Variants in FAM83H observed in about 807,000 individuals in gnomAD.
The protein encoded by FAM83H is protein FAM83H.
A neutral mutation model predicts 30.2 loss-of-function variants in FAM83H; 24 were observed. The ratio of observed to expected loss-of-function variants is 0.79; its 90% CI spans 0.57 to 1.12. The LOEUF is 1.12. FAM83H is among the 50% of genes most tolerant of loss of function. The probability of loss-of-function intolerance (pLI) is 0.00; values close to 1 mark genes in which losing one functional copy is unlikely to be tolerated. For synonymous variants in FAM83H, 1,013 were observed against 821.7 expected, an observed-to-expected ratio of 1.23 and a Z score of -3.98; for missense variants, 2,038 against 1,773.9, an observed-to-expected ratio of 1.15 and a Z score of -2.67.
At position 143,726,162 on chromosome 8, in the gene FAM83H, C is replaced by A. The variant is rs782393356; in HGVS notation, c.3299G>T (p.Gly1100Val). The A allele has an allele frequency of 6.2e-7, 1 of 1,612,022 alleles. No individual in the cohort carries two copies. The highest frequency in any genetic ancestry group is 1.1e-5 in the South Asian group (1 of 90,982). ...CSAIFRSDSL[G>V]TQGRLSRTLP... ...CGTGCGGCTCAGCCGGCCCTGGGTC[C>A]CCAAGCTGTCCGAGCGGAAGATGGC... The change falls in exon 5 of 5, where the codon GGG (glycine) becomes GTG (valine). Residue 1100 changes from glycine to valine, a missense_variant. Physicochemically the swap from Gly to Val is moderately radical, Grantham distance 109. Transcript: ENST00000388913.
Position 143,728,638 on chromosome 8 carries a change from G to T in FAM83H, c.823C>A (p.Arg275Ser). The T allele has an allele frequency of 6.2e-7, 1 of 1,608,220 alleles. No individual in the cohort carries two copies. The highest frequency in any genetic ancestry group is 8.5e-7 in the Non-Finnish European group (1 of 1,179,872). ...ELVSSFDEEFRILFAQSEPLV... is the reference protein window; with the variant it reads ...ELVSSFDEEFSILFAQSEPLV... ...GGCTCGGACTGCGCGAAGAGGATGC[G>T]GAACTCCTCGTCGAAGCTGGAGACC... Residue 275 changes from arginine to serine, a missense_variant, in exon 5 of 5, where the codon CGC becomes AGC. By Grantham distance (110) the Arg-to-Ser change is moderately radical. Transcript: ENST00000388913.
Position 143,727,425 on chromosome 8 carries a change from C to G in FAM83H, c.2036G>C (p.Ser679Thr). The G allele has an allele frequency of 6.4e-7, 1 of 1,571,932 alleles. No homozygotes were observed. Among genetic ancestry groups the G allele is most frequent in the African/African-American group, 1.3e-5 (1 of 74,606 alleles). Residue 679 changes from serine to threonine, a missense_variant, in exon 5 of 5, where the codon AGC becomes ACC. By Grantham distance (58) the Ser-to-Thr change is moderately conservative. Coordinates refer to ENST00000388913, the MANE Select transcript of FAM83H (RefSeq NM_198488.5). ...RSRLNPLVQR[S>T]SRLRSSLIFS... ...GATGAGCGAGGAGCGCAGCCTGGAG[C>G]TGCGCTGGACCAGGGGGTTCAGGCG...
rs186583661 is a variant in FAM83H, at chr8:143,725,874, G to A, written c.*47C>T. Reference sequence around the variant, plus strand: ...TGTTCCGCGGGGCTTCTGGATGACCGGGGCAGCGATGCGGGCACCCTGGCC... The same window carrying A: ...TGTTCCGCGGGGCTTCTGGATGACCAGGGCAGCGATGCGGGCACCCTGGCC... On this transcript the variant is annotated 3_prime_UTR_variant, in exon 5 of 5. Transcript: ENST00000388913. The A allele has an allele frequency of 1.8e-3, 2,880 of 1,601,634 alleles. 3 individuals carry two copies. The highest frequency in any genetic ancestry group is 4.6e-3 in the Admixed American group (271 of 58,362).
rs553219379 is a variant in FAM83H, at chr8:143,727,816, G to A, written c.1645C>T (p.Pro549Ser). The A allele has an allele frequency of 1.3e-4, 174 of 1,333,874 alleles. 2 individuals are homozygous for A. The South Asian group carries it at 3.0e-3, about 23-fold the overall frequency. 82.6% of individuals were successfully genotyped at this position (1,333,874 alleles called of 1,614,324 possible). A position where few individuals can be genotyped will look rare whatever the true frequency, so the allele number is the denominator to read the frequency against. The part of the protein sequence containing the change: ...APRPNLTQRF[P>S]CQAAARPGPD... ...CCCGGCCTCGCCGCGGCCTGGCATG[G>A]GAAGCGCTGGGTCAGGTTGGGGCGC... Residue 549 changes from proline (P) to serine (S), a missense_variant, in exon 5 of 5, where the codon CCA becomes TCA. Pro to Ser is a moderately conservative substitution (Grantham distance 74, BLOSUM62 -1). Coordinates refer to ENST00000388913, the MANE Select transcript of FAM83H (RefSeq NM_198488.5).
At position 143,726,583 on chromosome 8, in the gene FAM83H, C is replaced by T; in HGVS notation, c.2878G>A (p.Glu960Lys). 6.2e-7 allele frequency: 1 copy of T among 1,601,746 alleles called. No individual in the cohort carries two copies. ...PAEEGPSGPM[E>K]VLRKGSLRLR... ...CGCAAGGAGCCTTTGCGCAGGACTT[C>T]CATGGGGCCGCTCGGCCCCTCCTCC... The change falls in exon 5 of 5, where the codon GAA becomes AAA. Residue 960 changes from glutamate (E) to lysine (K), a missense_variant. Physicochemically the swap from Glu to Lys is moderately conservative, Grantham distance 56 (BLOSUM62 1). Transcript: ENST00000388913.
chr8:143,731,347 A>G, intron 1 of FAM83H: 1 of 985,196 alleles, frequency 1.0e-6, no homozygotes, highest in Non-Finnish European at 1.2e-6. Flanking sequence ...ACTGCACAAC[A>G]CAGCTGAGGG....
Position 143,727,423 on chromosome 8 carries a change from A to G in FAM83H, c.2038T>C (p.Ser680Pro). The G allele has an allele frequency of 1.3e-6, 2 of 1,571,566 alleles. No individual in the cohort carries two copies. The highest frequency in any genetic ancestry group is 1.7e-6 in the Non-Finnish European group (2 of 1,166,688). Residue 680 changes from serine to proline, a missense_variant, in exon 5 of 5, where the codon TCC (serine) becomes CCC (proline). Ser to Pro is a moderately conservative substitution (Grantham distance 74). Transcript: ENST00000388913. Reference protein sequence around the residue: ...SRLNPLVQRSSRLRSSLIFST... With the variant: ...SRLNPLVQRSPRLRSSLIFST... The stretch of plus-strand genomic sequence containing the variant: ...AAGATGAGCGAGGAGCGCAGCCTGG[A>G]GCTGCGCTGGACCAGGGGGTTCAGG...
In FAM83H at chr8:143,727,233, C is replaced by G. The variant is rs1818334038; in HGVS notation, c.2228G>C (p.Gly743Ala). ...KVAELLEKYK[G>A]PARDPGGGAG... The stretch of plus-strand genomic sequence containing the variant: ...GCCGCCGCCGGGATCACGGGCTGGG[C>G]CCTTGTACTTCTCCAGCAGCTCCGC... Residue 743 changes from glycine to alanine, a missense_variant, in exon 5 of 5, where the codon GGC becomes GCC. Physicochemically the swap from Gly to Ala is moderately conservative, Grantham distance 60. Coordinates refer to ENST00000388913, the MANE Select transcript of FAM83H (RefSeq NM_198488.5). 1 of 1,534,754 alleles carries G rather than the reference C, an allele frequency of 6.5e-7. No individual in the cohort carries two copies. Among genetic ancestry groups the G allele is most frequent in the Non-Finnish European group, 8.7e-7 (1 of 1,146,262 alleles).
At chr8:143,731,493 T>A in intron 1 of FAM83H, 1 of 985,450 alleles carries the variant, frequency 1.0e-6, no homozygotes, top group Non-Finnish European at 1.2e-6. Context: ...GTTTCACAAT[T>A]GGGCTCCCAC....
chr8:143,730,718 G>T, intron 1 of FAM83H, 121 bp from the exon 2 acceptor site: 1 of 733,664 alleles, frequency 1.4e-6, no homozygotes, highest in Non-Finnish European at 2.1e-6. Flanking sequence ...TTTAGCCCAT[G>T]CCCAGGAGGC....
rs1554623783 is a variant in FAM83H, at chr8:143,729,266, C to T, written c.505G>A (p.Glu169Lys). 1 of 1,613,422 alleles carries T rather than the reference C, an allele frequency of 6.2e-7. No individual in the cohort carries two copies. The highest frequency in any genetic ancestry group is 1.7e-5 in the Admixed American group (1 of 60,020). The change falls in exon 3 of 5, where the codon GAG becomes AAG. Residue 169 changes from glutamate to lysine, a missense_variant. Coordinates refer to ENST00000388913, the MANE Select transcript of FAM83H (RefSeq NM_198488.5). ...TDVDLLSEVL[E>K]AAARRVPVYI... The stretch of plus-strand genomic sequence containing the variant: ...ACTGGGACCCGACGGGCCGCGGCCT[C>T]CAGCACTTCGCTGAGCAGGTCCACA...
chr8:143,724,505 G>A lies in FAM83H; in HGVS notation c.*1416C>T, dbSNP rs2131586321. The A allele has an allele frequency of 6.6e-6, 1 of 152,308 alleles. No homozygotes were observed. Among genetic ancestry groups the A allele is most frequent in the East Asian group, 1.9e-4 (1 of 5,174 alleles). 9.4% of individuals were successfully genotyped at this position (152,308 alleles called of 1,614,324 possible). ...TGCAATTCCTCTCTAGGAGTGAAAA[G>A]AGATAAAAGATAAGCCAAGAACCCT... is the stretch of plus-strand genomic sequence containing the variant. On this transcript the variant is annotated 3_prime_UTR_variant, in exon 5 of 5. Transcript: ENST00000388913.
At position 143,726,467 on chromosome 8, in the gene FAM83H, G is replaced by A. The variant is rs1554621811; in HGVS notation, c.2994C>T (p.Ser998=). Residue 998 remains serine (S), a synonymous_variant, in exon 5 of 5, where the codon AGC becomes AGT. Transcript: ENST00000388913. ...CCTGGCCCAGTGACAGACGCCGCGGGCTCTCGGGTTGGCCGTTCTCCTGCG... is the reference window on the plus strand; with the variant it reads ...CCTGGCCCAGTGACAGACGCCGCGGACTCTCGGGTTGGCCGTTCTCCTGCG... ...PVPQENGQPE[S]PRRLSLGQGD... The A allele has an allele frequency of 3.1e-6, 5 of 1,603,188 alleles. No individual in the cohort carries two copies. Among genetic ancestry groups the A allele is most frequent in the South Asian group, 2.2e-5 (2 of 90,386 alleles).
chr8:143,732,796 A>C (rs1311234607), intron 1 of FAM83H: 9 of 953,930 alleles, frequency 9.4e-6, no homozygotes, highest in Non-Finnish European at 1.1e-5. Flanking sequence ...TGCCTACCAA[A>C]CGTCTGCCCA....
In FAM83H at chr8:143,731,855, G is replaced by C. The variant is rs797023567; in HGVS notation, c.-15-1258C>G. 2.7e-4 allele frequency: 263 copies of C among 985,410 alleles called. No individual in the cohort carries two copies. In the South Asian group the frequency reaches 6.7e-3, roughly 25 times the overall value. The allele number at this position is 985,410 out of a possible 1,614,324, so 61.0% of individuals were successfully genotyped here. On this transcript the variant is annotated intron_variant, in intron 1 of 4. Transcript: ENST00000388913. Reference sequence around the variant, plus strand: ...TCCCTGCGGGGGCCTGGCCTCTCCAGAAAGGTGTCAGATGGGGAGCGCCCA... The same window carrying C: ...TCCCTGCGGGGGCCTGGCCTCTCCACAAAGGTGTCAGATGGGGAGCGCCCA...
Position 143,725,727 on chromosome 8 carries a change from CA to C in FAM83H, c.*193del. On this transcript the variant is annotated 3_prime_UTR_variant, in exon 5 of 5. Transcript: ENST00000388913. ...GGTGCAGCCCCAGCGTTGGGGAGGC[CA>C]GGGGGCAGAGACGGCAGCTGCCAGG... 1.1e-6 allele frequency: 1 copy of C among 913,748 alleles called. No individual in the cohort carries two copies. Among genetic ancestry groups the C allele is most frequent in the Non-Finnish European group, 1.6e-6 (1 of 618,112 alleles). The allele number at this position is 913,748 out of a possible 1,614,324, so 56.6% of individuals were successfully genotyped here.
In FAM83H at chr8:143,726,462, C is replaced by T. The variant is rs1457535447; in HGVS notation, c.2999G>A (p.Arg1000Gln). ...GTCACCCTGGCCCAGTGACAGACGC[C>T]GCGGGCTCTCGGGTTGGCCGTTCTC... The part of the protein sequence containing the change: ...PQENGQPESP[R>Q]RLSLGQGDST... Residue 1000 changes from arginine (R) to glutamine (Q), a missense_variant, in exon 5 of 5, where the codon CGG (arginine) becomes CAG (glutamine). Arg to Gln is a conservative substitution (Grantham distance 43, BLOSUM62 1). Coordinates refer to ENST00000388913, the MANE Select transcript of FAM83H (RefSeq NM_198488.5). The T allele has an allele frequency of 5.0e-6, 8 of 1,602,612 alleles. No individual in the cohort carries two copies. In the East Asian group the frequency reaches 8.9e-5, roughly 18 times the overall value.
rs568621365 is a variant in FAM83H at position 143,728,419 on chromosome 8, G to A, written c.1042C>T (p.Arg348Cys). The A allele has an allele frequency of 8.1e-4, 1,254 of 1,548,432 alleles. 3 individuals are homozygous for A. Among genetic ancestry groups the A allele is most frequent in the Non-Finnish European group, 7.3e-4 (842 of 1,145,632 alleles). The change falls in exon 5 of 5, where the codon CGC becomes TGC. Residue 348 changes from arginine to cysteine, a missense_variant. Physicochemically the swap from Arg to Cys is radical, Grantham distance 180. Transcript: ENST00000388913. The stretch of plus-strand genomic sequence containing the variant: ...CGGCGGAAGGCCGACAGGAAGTGGC[G>A]GTCCGGGTCGAGGAAGGAGGGGAAG... ...LGFPSFLDPD[R>C]HFLSAFRREE...
In FAM83H at chr8:143,728,394, C is replaced by G. The variant is rs1480757048; in HGVS notation, c.1067G>C (p.Arg356Pro). ...PDRHFLSAFR[R>P]EEPPRMPGGA... The stretch of plus-strand genomic sequence containing the variant: ...CCCCGGCATCCGCGGCGGCTCCTCC[C>G]GGCGGAAGGCCGACAGGAAGTGGCG... Residue 356 changes from arginine (R) to proline (P), a missense_variant, in exon 5 of 5, where the codon CGG (arginine) becomes CCG (proline). By Grantham distance (103) the Arg-to-Pro change is moderately radical (BLOSUM62 -2). Transcript: ENST00000388913. The G allele has an allele frequency of 6.5e-7, 1 of 1,546,840 alleles. No individual in the cohort carries two copies. The highest frequency in any genetic ancestry group is 1.2e-5 in the South Asian group (1 of 83,956).
Sources: allele counts gnomAD v4.1 joint callset, GRCh38; gene constraint gnomAD v4.1.1; transcripts MANE v1.5; gene names NCBI Gene and HGNC (gene_info 2026-07-23, HGNC 2026-07-21).